Variants in PCDHA1 observed in about 807,000 individuals in gnomAD.
The protein encoded by PCDHA1 is protocadherin alpha-1.
In PCDHA1, 42 loss-of-function variants were observed where a neutral mutation model predicts 61.3. The ratio of observed to expected loss-of-function variants is 0.69; its 90% CI spans 0.54 to 0.89. PCDHA1 has a LOEUF of 0.89. Among genes scored for constraint, PCDHA1 ranks in the 40% least tolerant of loss-of-function variants. The probability of loss-of-function intolerance (pLI) is 0.00; values close to 1 mark genes in which losing one functional copy is unlikely to be tolerated. For missense variants in PCDHA1, 1,256 were observed against 1,235.3 expected (o/e 1.02, Z -0.25); for synonymous variants, 610 against 553.8 (o/e 1.10, Z -1.43).
intron 1 of PCDHA1, chr5:140,857,701 G>A (rs1043829375): frequency 4.4e-6 from 7 of 1,597,352 alleles, no homozygotes; most frequent in Non-Finnish European, 6.0e-6. Flanking sequence ...TGACGCTGCA[G>A]GTGTTCGTGC....
chr5:140,869,779 G>A (rs1554163444), intron 1 of PCDHA1: 4 of 1,612,766 alleles, frequency 2.5e-6, no homozygotes, highest in Non-Finnish European at 3.4e-6. Flanking sequence ...TACTGGCACC[G>A]TTCGGCTGTT....
At chr5:140,837,724 T>G (rs1466080737) in intron 1 of PCDHA1, among the ~76,000 whole-genome samples, 2 of 151,672 alleles carry the variant, frequency 1.3e-5, no homozygotes, top group African/African-American at 2.4e-5. Flanking sequence ...CCCAGGCTGC[T>G]GAAATGCAGT....
chr5:140,897,345 C>A (rs1291203410), intron 1 of PCDHA1, among the ~76,000 whole-genome samples: 2 of 126,562 alleles, frequency 1.6e-5, no homozygotes, highest in African/African-American at 6.0e-5. Flanking sequence ...CCCCCCACCC[C>A]ACAACTGTCC....
chr5:140,822,689 G>A (rs2150118591), intron 1 of PCDHA1: 13 of 1,609,572 alleles, frequency 8.1e-6, no homozygotes. Flanking sequence ...AAAGTTAACG[G>A]GGAACTGGAT....
chr5:140,796,081 A>C (rs782725155), intron 1 of PCDHA1: 1 of 1,614,152 alleles, frequency 6.2e-7, no homozygotes, highest in Non-Finnish European at 8.5e-7. Context: ...TGCTCTCATC[A>C]CGGTGTCGGA....
chr5:140,876,144 G>C (rs782301739), intron 1 of PCDHA1: 1 of 1,613,964 alleles, frequency 6.2e-7, no homozygotes, highest in South Asian at 1.1e-5. Context: ...AACTAACAGG[G>C]TCTGTCCAGA....
At position 140,998,856 on chromosome 5, in the gene PCDHA1, C is replaced by T. The variant is rs77103467; in HGVS notation, c.2543-10771C>T. 2.6e-3 allele frequency among the ~76,000 whole-genome samples: 397 copies of T among 152,354 alleles called. 2 individuals carry two copies. Among genetic ancestry groups the T allele is most frequent in the African/African-American group, 9.1e-3 (380 of 41,584 alleles). ...TGGATTACTGGTGTGAGCCACATGC[C>T]TGGCCTTGTAAATAATAAGTTTAGT... On this transcript the variant is annotated intron_variant, in intron 3 of 3. Coordinates refer to ENST00000504120, the MANE Select transcript of PCDHA1 (RefSeq NM_018900.4).
At chr5:140,795,711 A>G in intron 1 of PCDHA1, 1 of 1,614,056 alleles carries the variant, frequency 6.2e-7, no homozygotes, top group Non-Finnish European at 8.5e-7. Context: ...TTTACAAAGT[A>G]AAATTGTTAG....
In PCDHA1 at chr5:140,883,696, G is replaced by C. The variant is rs142212706; in HGVS notation, c.2394+95012G>C. On this transcript the variant is annotated intron_variant, in intron 1 of 3. Transcript: ENST00000504120. ...ATCCGCCGGGCTGCCACATCTTCAC[G>C]GTGTCTGCTCAGGACGCGGACGCAC... The C allele has an allele frequency of 1.7e-4, 276 of 1,613,818 alleles. 1 individual carries two copies. In the African/African-American group the frequency reaches 3.2e-3, roughly 19 times the overall value.
intron 1 of PCDHA1, among the ~76,000 whole-genome samples, chr5:140,934,368 C>A (rs2089796426): frequency 6.6e-6 from 1 of 152,102 alleles, no homozygotes; most frequent in African/African-American, 2.4e-5. Context: ...TGCTTTGACT[C>A]CTTCTGTGGT....
At chr5:140,820,544 A>T (rs1260272313) in intron 1 of PCDHA1, among the ~76,000 whole-genome samples, 4 of 152,008 alleles carry the variant, frequency 2.6e-5, no homozygotes, top group African/African-American at 7.2e-5. Flanking sequence ...TTCAATAGAA[A>T]ACTTGGTGAT....
chr5:140,930,822 G>A (rs1338942917), intron 1 of PCDHA1, among the ~76,000 whole-genome samples: 2 of 152,140 alleles, frequency 1.3e-5, no homozygotes, highest in Non-Finnish European at 2.9e-5. Context: ...CTTAGTAAAT[G>A]CTGACTGAAT....
intron 1 of PCDHA1, among the ~76,000 whole-genome samples, chr5:140,895,928 A>G (rs559949902): frequency 5.9e-5 from 9 of 152,226 alleles, no homozygotes; most frequent in African/African-American, 1.9e-4. Flanking sequence ...ATCCTGCCTC[A>G]GCCTCCCGAG....
intron 1 of PCDHA1, among the ~76,000 whole-genome samples, chr5:140,890,099 A>G (rs1301934861): frequency 2.0e-5 from 3 of 152,086 alleles, no homozygotes; most frequent in African/African-American, 7.2e-5. Context: ...TTTATTCCCA[A>G]CTCTGGATTC....
At chr5:140,895,454 G>T (rs1554186522) in intron 1 of PCDHA1, among the ~76,000 whole-genome samples, 1 of 151,918 alleles carries the variant, frequency 6.6e-6, no homozygotes, top group Non-Finnish European at 1.5e-5. Context: ...TGTGCTTATT[G>T]GTCATTTCTT....
chr5:140,842,983 C>T (rs1554139609), intron 1 of PCDHA1: 2 of 1,594,998 alleles, frequency 1.3e-6, no homozygotes, highest in East Asian at 2.2e-5. Context: ...TGCAGGTGTT[C>T]GTGCTGGACG....
In PCDHA1 at chr5:140,876,419, A is replaced by G. The variant is rs2056334313; in HGVS notation, c.2394+87735A>G. On this transcript the variant is annotated intron_variant, in intron 1 of 3. Coordinates refer to ENST00000504120, the MANE Select transcript of PCDHA1 (RefSeq NM_018900.4). Reference sequence around the variant, plus strand: ...CTGGATTTTGAAGAGAATAATGCCTATGAAATTCAGGTTAACGCCATTGAT... The same window carrying G: ...CTGGATTTTGAAGAGAATAATGCCTGTGAAATTCAGGTTAACGCCATTGAT... 2.5e-6 allele frequency: 4 copies of G among 1,613,984 alleles called. No homozygotes were observed. In the East Asian group the frequency reaches 6.7e-5, roughly 27 times the overall value.
At chr5:140,844,621 AG>A (rs1779471115) in intron 1 of PCDHA1, among the ~76,000 whole-genome samples, 1 of 149,558 alleles carries the variant, frequency 6.7e-6, no homozygotes, top group Non-Finnish European at 1.5e-5. Flanking sequence ...TGTTTTCATC[AG>A]AAAAACTATA....
At chr5:140,830,285 T>C (rs2150184393) in intron 1 of PCDHA1, 7 of 1,613,564 alleles carry the variant, frequency 4.3e-6, no homozygotes, top group East Asian at 2.2e-5. Context: ...CGAGGGCGCG[T>C]GCACGGCGGA....
Sources: allele counts gnomAD v4.1 joint callset (sites outside exome capture counted in the v4.1 genomes callset), GRCh38; gene constraint gnomAD v4.1.1; transcripts MANE v1.5; gene names NCBI Gene and HGNC (gene_info 2026-07-23, HGNC 2026-07-21).